RET: variants seen among roughly 807,000 people sequenced by gnomAD.
The protein encoded by RET is proto-oncogene tyrosine-protein kinase receptor Ret.
Under a neutral mutation model 118.3 loss-of-function variants are expected in RET, and 19 were observed. The ratio of observed to expected loss-of-function variants is 0.16; its 90% CI spans 0.11 to 0.24. The LOEUF (loss-of-function observed/expected upper bound fraction) is 0.24. Ranked by LOEUF, RET falls within the 10% of genes least tolerant of loss-of-function variation. The pLI, the probability that RET is intolerant of heterozygous loss-of-function variation, is 1.00. For missense variants in RET, 1,219 were observed against 1,502.1 expected, an observed-to-expected ratio of 0.81 and a Z score of 3.12; for synonymous variants, 597 against 644.1, an observed-to-expected ratio of 0.93 and a Z score of 1.11.
chr10:43,111,304 T>C lies in RET; in HGVS notation c.1361T>C (p.Val454Ala). ...GGTGCCAACTGCAGCACGCTAGGGGTGGTCACCTCAGCCGAGGACACCTCG... is the reference window on the plus strand; with the variant it reads ...GGTGCCAACTGCAGCACGCTAGGGGCGGTCACCTCAGCCGAGGACACCTCG... Reference protein sequence around the residue: ...SSGANCSTLGVVTSAEDTSGI... With the variant: ...SSGANCSTLGAVTSAEDTSGI... Residue 454 changes from valine (V) to alanine (A), a missense_variant, in exon 7 of 20, where the codon GTG becomes GCG. Physicochemically the swap from Val to Ala is moderately conservative, Grantham distance 64. This residue lies in a region of RET where 850 missense variants were observed against 969.6 expected (regional missense o/e 0.88). Coordinates refer to ENST00000355710, the MANE Select transcript of RET (RefSeq NM_020975.6). 1 of 1,614,026 alleles carries C rather than the reference T, an allele frequency of 6.2e-7. No individual in the cohort carries two copies. Among genetic ancestry groups the C allele is most frequent in the Non-Finnish European group, 8.5e-7 (1 of 1,180,014 alleles).
Position 43,118,382 on chromosome 10 carries a change from C to T in RET, c.2294C>T (p.Ser765Phe), listed in dbSNP as rs1442097853. The change falls in exon 13 of 20, where the codon TCC (serine) becomes TTC (phenylalanine). Residue 765 changes from serine (S) to phenylalanine (F), a missense_variant. Ser to Phe is a radical substitution (Grantham distance 155). Around this residue, in one of 5 missense-constraint regions of RET, gnomAD observed 850 missense variants for 969.6 expected, o/e 0.88. Transcript: ENST00000355710. ...CTGTGCTGCATTTCAGAGAACGCCT[C>T]CCCGAGTGAGCTGCGAGACCTGCTG... ...VAVKMLKENA[S>F]PSELRDLLSE... 2 of 1,613,730 alleles carry T rather than the reference C, an allele frequency of 1.2e-6. No homozygotes were observed. The highest frequency in any genetic ancestry group is 8.5e-7 in the Non-Finnish European group (1 of 1,179,812).
chr10:43,080,711 G>A (rs1037718383), intron 1 of RET, among the ~76,000 whole-genome samples: 4 of 152,262 alleles, frequency 2.6e-5, no homozygotes, highest in Admixed American at 6.5e-5. Flanking sequence ...ATGCACAGAC[G>A]CTGAGATACT....
At chr10:43,098,606 G>C (rs546127940) in intron 1 of RET, among the ~76,000 whole-genome samples, 2 of 152,206 alleles carry the variant, frequency 1.3e-5, no homozygotes, top group South Asian at 4.2e-4. Context: ...ATTTTTAGTA[G>C]AGACGGGGTT....
Position 43,077,519 on chromosome 10 carries a change from G to A in RET, c.73+188G>A, listed in dbSNP as rs866591037. On this transcript the variant is annotated intron_variant, in intron 1 of 19. Coordinates refer to ENST00000355710, the MANE Select transcript of RET (RefSeq NM_020975.6). ...GGCGGGCGAAGGGCAGGACGCCTCGGGCCGGGCGCCTCGGGCCGGGGCTGG... is the reference window on the plus strand; with the variant it reads ...GGCGGGCGAAGGGCAGGACGCCTCGAGCCGGGCGCCTCGGGCCGGGGCTGG... 5.7e-3 allele frequency among the ~76,000 whole-genome samples: 804 copies of A among 140,846 alleles called. 8 individuals are homozygous for A. The highest frequency in any genetic ancestry group is 0.019 in the African/African-American group (746 of 38,896). The allele number at this position is 140,846 out of a possible 152,430, so 92.4% of individuals were successfully genotyped here. A position where few individuals can be genotyped will look rare whatever the true frequency, so the allele number is the denominator to read the frequency against.
intron 13 of RET, among the ~76,000 whole-genome samples, chr10:43,118,934 G>A (rs186168168): frequency 1.3e-5 from 2 of 152,370 alleles, no homozygotes; most frequent in East Asian, 1.9e-4. Context: ...AAAGACCCAG[G>A]AGACCAGCCT....
chr10:43,103,309 G>T (rs1393409938), intron 3 of RET, among the ~76,000 whole-genome samples: 1 of 152,186 alleles, frequency 6.6e-6, no homozygotes, highest in East Asian at 1.9e-4. Flanking sequence ...GGTTTGGGGT[G>T]GGAAGGTTCA....
rs763617146 is a variant in RET, at chr10:43,111,394, T to C, written c.1451T>C (p.Met484Thr). The C allele has an allele frequency of 6.2e-7, 1 of 1,612,810 alleles. No homozygotes were observed. The highest frequency in any genetic ancestry group is 8.5e-7 in the Non-Finnish European group (1 of 1,179,476). ...CCCAAGTGTGCCGAACTTCACTACA[T>C]GGTGGTGGCCACCGACCAGCAGACC... Reference protein sequence around the residue: ...RRPKCAELHYMVVATDQQTSR... With the variant: ...RRPKCAELHYTVVATDQQTSR... Residue 484 changes from methionine (M) to threonine (T), a missense_variant, in exon 7 of 20, where the codon ATG becomes ACG. By Grantham distance (81) the Met-to-Thr change is moderately conservative (BLOSUM62 -1). This residue lies in a region of RET where 850 missense variants were observed against 969.6 expected (regional missense o/e 0.88). Coordinates refer to ENST00000355710, the MANE Select transcript of RET (RefSeq NM_020975.6).
intron 1 of RET, among the ~76,000 whole-genome samples, chr10:43,093,619 C>G (rs1295315711): frequency 6.6e-6 from 1 of 152,144 alleles, no homozygotes; most frequent in Non-Finnish European, 1.5e-5. Context: ...AGGAAACCAG[C>G]CGAGGGGGTG....
intron 15 of RET, among the ~76,000 whole-genome samples, chr10:43,121,070 A>C (rs1191021977): frequency 5.9e-5 from 9 of 152,320 alleles, no homozygotes; most frequent in Non-Finnish European, 1.5e-5. Context: ...TTGTGACAGC[A>C]GATCTCAGAA....
chr10:43,109,126 G>A lies in RET; in HGVS notation c.1159G>A (p.Gly387Ser), dbSNP rs1438440113. The A allele has an allele frequency of 1.2e-6, 2 of 1,613,786 alleles. No individual in the cohort carries two copies. Among genetic ancestry groups the A allele is most frequent in the East Asian group, 2.2e-5 (1 of 44,894 alleles). ...NDSDFQGPGA[G>S]VLLLHFNVSV... ...CTCAGACTTCCAGGGCCCAGGAGCG[G>A]GCGTCCTCTTGCTCCACTTCAACGT... Residue 387 changes from glycine (G) to serine (S), a missense_variant, in exon 6 of 20, where the codon GGC becomes AGC. Gly to Ser is a moderately conservative substitution (Grantham distance 56). This residue lies in a region of RET where 850 missense variants were observed against 969.6 expected (regional missense o/e 0.88). Transcript: ENST00000355710.
At chr10:43,080,364 G>A (rs367828649) in intron 1 of RET, among the ~76,000 whole-genome samples, 1 of 152,220 alleles carries the variant, frequency 6.6e-6, no homozygotes, top group Non-Finnish European at 1.5e-5. Flanking sequence ...CCCCATGGGG[G>A]CTCACAGTGC....
chr10:43,077,762 C>T (rs1015996796), intron 1 of RET, among the ~76,000 whole-genome samples: 29 of 152,236 alleles, frequency 1.9e-4, no homozygotes, highest in African/African-American at 6.3e-4. Context: ...GGAGACGGCT[C>T]CGTCCTGGTT....
At chr10:43,116,786 GGGT>G in intron 12 of RET, 55 bp downstream of exon 12, 2 of 1,065,378 alleles carry the variant, frequency 1.9e-6, no homozygotes, top group Non-Finnish European at 2.9e-6. Context: ...GGCGGGGGGC[GGGT>G]GAGGCCCCTC....
rs1838416604 is a variant in RET, at chr10:43,130,198, A to G, written c.*1929A>G. 1 of 395,494 alleles carries G rather than the reference A, an allele frequency of 2.5e-6. No individual in the cohort carries two copies. The highest frequency in any genetic ancestry group is 4.4e-6 in the Non-Finnish European group (1 of 224,760). The allele number at this position is 395,494 out of a possible 1,614,324, so 24.5% of individuals were successfully genotyped here. A position where few individuals can be genotyped will look rare whatever the true frequency, so the allele number is the denominator to read the frequency against. ...CACGTAAATGCAGAAGTTACTAAGT[A>G]TTAAGTATTACTGAGTATTAAGTAG... On this transcript the variant is annotated 3_prime_UTR_variant, in exon 20 of 20. Transcript: ENST00000355710.
At chr10:43,091,313 A>C (rs928753892) in intron 1 of RET, among the ~76,000 whole-genome samples, 9 of 152,100 alleles carry the variant, frequency 5.9e-5, no homozygotes, top group Admixed American at 4.6e-4. Flanking sequence ...CAACAACAGC[A>C]ACAAAAAAAC....
intron 4 of RET, among the ~76,000 whole-genome samples, chr10:43,105,553 C>T (rs751610695): frequency 3.3e-5 from 5 of 152,200 alleles, no homozygotes; most frequent in Non-Finnish European, 5.9e-5. Flanking sequence ...CCTTGAGTGA[C>T]CACGAGCAGA....
At chr10:43,127,224 A>G (rs1180465884) in intron 19 of RET, 41 of 1,082,042 alleles carry the variant, frequency 3.8e-5, no homozygotes, top group Non-Finnish European at 4.6e-5. Flanking sequence ...GCGAGCAGCC[A>G]CTGGCCAAGC....
chr10:43,087,181 C>T (rs1007773280), intron 1 of RET, among the ~76,000 whole-genome samples: 13 of 152,220 alleles, frequency 8.5e-5, no homozygotes, highest in Admixed American at 6.5e-4. Context: ...CATGTTCGTG[C>T]GTGCAGGGAT....
At chr10:43,107,568 C>G (rs1311839695) in intron 5 of RET, among the ~76,000 whole-genome samples, 101 of 141,800 alleles carry the variant, frequency 7.1e-4, no homozygotes, top group Admixed American at 1.7e-3. Flanking sequence ...CTCACACACA[C>G]ACACACACAC....
Sources: allele counts gnomAD v4.1 joint callset (sites outside exome capture counted in the v4.1 genomes callset), GRCh38; gene constraint gnomAD v4.1.1; regional missense constraint gnomAD v4.1.1; transcripts MANE v1.5; gene names NCBI Gene and HGNC (gene_info 2026-07-23, HGNC 2026-07-21).